ZFYVE28: variants seen among roughly 807,000 people sequenced by gnomAD.
ZFYVE28 encodes lateral signaling target protein 2 homolog.
Under a neutral mutation model 82.1 loss-of-function variants are expected in ZFYVE28, and 40 were observed. The ratio of observed to expected loss-of-function variants is 0.49; its 90% CI spans 0.38 to 0.63. The LOEUF (loss-of-function observed/expected upper bound fraction) is 0.63, where lower values mean the gene tolerates loss of function less well. Ranked by LOEUF, ZFYVE28 falls within the 30% of genes least tolerant of loss-of-function variation. ZFYVE28 has a pLI of 0.00. For synonymous variants in ZFYVE28, 612 were observed against 546.1 expected, an observed-to-expected ratio of 1.12 and a Z score of -1.68; for missense variants, 1,321 against 1,242.1, an observed-to-expected ratio of 1.06 and a Z score of -0.96.
chr4:2,335,801 G>A lies in ZFYVE28; in HGVS notation c.612-7C>T, dbSNP rs762318038. On this transcript the variant is annotated splice_region_variant and splice_polypyrimidine_tract_variant and intron_variant, in intron 5 of 12. Coordinates refer to ENST00000290974, the MANE Select transcript of ZFYVE28 (RefSeq NM_020972.3). The surrounding 1 kb of genome is among the most constrained non-coding windows in gnomAD (Gnocchi z 5.8). ...GTACCCGAAGTCCAGGGCCCTGTCC[G>A]GGGAGACGGACAGTGAGCAGCATGA... 6.0e-5 allele frequency: 93 copies of A among 1,555,560 alleles called. No homozygotes were observed. Among genetic ancestry groups the A allele is most frequent in the Admixed American group, 2.5e-4 (13 of 51,342 alleles).
rs1017603851 is a variant in ZFYVE28 at position 2,339,722 on chromosome 4, G to A, written c.319-67C>T. 2.2e-5 allele frequency: 32 copies of A among 1,461,388 alleles called. No individual in the cohort carries two copies. The highest frequency in any genetic ancestry group is 2.6e-5 in the Non-Finnish European group (28 of 1,094,870). The allele number at this position is 1,461,388 out of a possible 1,614,324, so 90.5% of individuals were successfully genotyped here. On this transcript the variant is annotated intron_variant, in intron 3 of 12. Transcript: ENST00000290974. The surrounding 1 kb of genome is among the most constrained non-coding windows in gnomAD (Gnocchi z 5.0). Reference sequence around the variant, plus strand: ...CCAGGCTCTCAGGGGTCGCCGACCCGGGGAACCTGACTGCGCACCTCGGGG... The same window carrying A: ...CCAGGCTCTCAGGGGTCGCCGACCCAGGGAACCTGACTGCGCACCTCGGGG...
At chr4:2,311,737 T>C (rs972316061) in intron 7 of ZFYVE28, among the ~76,000 whole-genome samples, 2 of 152,218 alleles carry the variant, frequency 1.3e-5, no homozygotes, top group Non-Finnish European at 2.9e-5. Flanking sequence ...TTTAGTGCTA[T>C]AAATTTCCTT....
chr4:2,389,360 C>G (rs1447761780), intron 1 of ZFYVE28, among the ~76,000 whole-genome samples: 1 of 152,182 alleles, frequency 6.6e-6, no homozygotes, highest in South Asian at 2.1e-4. Flanking sequence ...TGAGGCTACC[C>G]CCATGCCCCA....
At position 2,391,738 on chromosome 4, in the gene ZFYVE28, C is replaced by CTTTTTTTTTTTTTTT. The variant is rs374413016; in HGVS notation, c.39+26546_39+26547insAAAAAAAAAAAAAAA. Among the ~76,000 whole-genome samples the CTTTTTTTTTTTTTTT allele has an allele frequency of 1.4e-5, 2 of 139,770 alleles. 1 individual carries two copies. 91.7% of individuals were successfully genotyped at this position (139,770 alleles called of 152,430 possible). On this transcript the variant is annotated intron_variant, in intron 1 of 12. Coordinates refer to ENST00000290974, the MANE Select transcript of ZFYVE28 (RefSeq NM_020972.3). ...GGCTTCCTGTAAGTCAATTCTCTCT[C>CTTTTTTTTTTTTTTT]TCTTTTTTTTTTTTTGTGACTGAGT...
At chr4:2,395,449 C>T (rs527664009) in intron 1 of ZFYVE28, among the ~76,000 whole-genome samples, 3 of 152,318 alleles carry the variant, frequency 2.0e-5, no homozygotes, top group African/African-American at 4.8e-5. Context: ...GGGATCCCAA[C>T]GCTCTCCCCA....
At chr4:2,273,473 C>T (rs1391204308) in intron 9 of ZFYVE28, among the ~76,000 whole-genome samples, 184 bp from the exon 10 acceptor site, 1 of 152,152 alleles carries the variant, frequency 6.6e-6, no homozygotes, top group Admixed American at 6.5e-5. Flanking sequence ...AATAAAAACT[C>T]GGGAGTCGAG....
At chr4:2,352,779 A>C (rs1724669048) in intron 2 of ZFYVE28, among the ~76,000 whole-genome samples, 1 of 152,104 alleles carries the variant, frequency 6.6e-6, no homozygotes, top group African/African-American at 2.4e-5. Context: ...CTTTATCATC[A>C]ACTCTGTCAG....
Position 2,271,754 on chromosome 4 carries a change from G to A in ZFYVE28, c.2349C>T (p.Ala783=). 6.2e-7 allele frequency: 1 copy of A among 1,613,772 alleles called. No homozygotes were observed. The highest frequency in any genetic ancestry group is 1.1e-5 in the South Asian group (1 of 91,088). ...CCTGGCACAGTGCACAGTCCTCCAAGGCCGCACTCCGCAGAGTCTGGGTGA... is the reference window on the plus strand; with the variant it reads ...CCTGGCACAGTGCACAGTCCTCCAAAGCCGCACTCCGCAGAGTCTGGGTGA... ...RKVTQTLRSA[A]LEDCALCQET... is the part of the protein sequence containing the mutation. The change falls in exon 11 of 13, where the codon GCC becomes GCT. Residue 783 remains alanine, a synonymous_variant. Transcript: ENST00000290974.
At chr4:2,411,995 T>C (rs186511025) in intron 1 of ZFYVE28, among the ~76,000 whole-genome samples, 45 of 152,216 alleles carry the variant, frequency 3.0e-4, no homozygotes, top group African/African-American at 1.0e-3. Context: ...CTGACAACCA[T>C]AGAGGAGGCA....
intron 8 of ZFYVE28, among the ~76,000 whole-genome samples, chr4:2,301,263 A>G (rs574153761): frequency 6.6e-6 from 1 of 152,252 alleles, no homozygotes; most frequent in African/African-American, 2.4e-5. Flanking sequence ...GGGGGAATGA[A>G]TGATGCTCCC....
At chr4:2,387,164 G>A (rs1042586318) in intron 1 of ZFYVE28, among the ~76,000 whole-genome samples, 8 of 152,188 alleles carry the variant, frequency 5.3e-5, no homozygotes, top group African/African-American at 1.9e-4. Flanking sequence ...GGCCCACCCC[G>A]GAGCTCGCCA....
chr4:2,337,987 C>A (rs571507617), intron 4 of ZFYVE28, among the ~76,000 whole-genome samples: 1 of 152,224 alleles, frequency 6.6e-6, no homozygotes, highest in African/African-American at 2.4e-5. Flanking sequence ...CCTGCCCATG[C>A]GGGACAGTTG....
chr4:2,334,769 CA>C (rs1431075033), intron 6 of ZFYVE28, among the ~76,000 whole-genome samples: 8 of 33,510 alleles, frequency 2.4e-4, no homozygotes, highest in East Asian at 2.6e-3. Flanking sequence ...TCCCCCTCCC[CA>C]CTTCCGCCTC....
At position 2,408,472 on chromosome 4, in the gene ZFYVE28, G is replaced by A. The variant is rs751663498; in HGVS notation, c.39+9813C>T. 2.6e-5 allele frequency among the ~76,000 whole-genome samples: 4 copies of A among 152,218 alleles called. No individual in the cohort carries two copies. The highest frequency in any genetic ancestry group is 5.9e-5 in the Non-Finnish European group (4 of 68,032). On this transcript the variant is annotated intron_variant, in intron 1 of 12. Transcript: ENST00000290974. The surrounding 1 kb of genome is among the most constrained non-coding windows in gnomAD (Gnocchi z 4.3). ...CCACTGCCCTGAGACTCAGCATCGG[G>A]GAGAAAGCCTGGAGGGGGCCTGCCT...
chr4:2,418,495 G>C lies in ZFYVE28; in HGVS notation c.-172C>G, dbSNP rs1733380360. 2 of 299,096 alleles carry C rather than the reference G, an allele frequency of 6.7e-6. No homozygotes were observed. The highest frequency in any genetic ancestry group is 2.3e-5 in the African/African-American group (1 of 43,706). 18.5% of individuals were successfully genotyped at this position (299,096 alleles called of 1,614,324 possible). On this transcript the variant is annotated 5_prime_UTR_variant, in exon 1 of 13. Transcript: ENST00000290974. This position sits in a 1 kb window ranked among gnomAD's most constrained non-coding sequence, Gnocchi z 4.6. Reference sequence around the variant, plus strand: ...CCGAGCGGGCGGCGGGCAGGTGCGCGGGGCAGGTGCGCGGCCCTGAGTATG... The same window carrying C: ...CCGAGCGGGCGGCGGGCAGGTGCGCCGGGCAGGTGCGCGGCCCTGAGTATG...
At chr4:2,366,892 G>T (rs1168172335) in intron 1 of ZFYVE28, among the ~76,000 whole-genome samples, 2 of 152,352 alleles carry the variant, frequency 1.3e-5, no homozygotes, top group South Asian at 4.1e-4. Context: ...AGGTGATAAT[G>T]CTGGCCTTGA....
intron 6 of ZFYVE28, chr4:2,324,330 A>G (rs1719553474): frequency 6.6e-6 from 1 of 152,220 alleles, no homozygotes; most frequent in African/African-American, 2.4e-5. Flanking sequence ...ACTGATTTAA[A>G]TGCTAATCTC....
In ZFYVE28 at chr4:2,408,604, C is replaced by T. The variant is rs1449702098; in HGVS notation, c.39+9681G>A. Among the ~76,000 whole-genome samples the T allele has an allele frequency of 6.6e-6, 1 of 152,174 alleles. No homozygotes were observed. The highest frequency in any genetic ancestry group is 1.9e-4 in the East Asian group (1 of 5,192). ...TGGGCCCCGCCCAGGTAAGCCCCATCTAGATGAAGCCCCACCCAGGTAAGC... is the reference window on the plus strand; with the variant it reads ...TGGGCCCCGCCCAGGTAAGCCCCATTTAGATGAAGCCCCACCCAGGTAAGC... On this transcript the variant is annotated intron_variant, in intron 1 of 12. Coordinates refer to ENST00000290974, the MANE Select transcript of ZFYVE28 (RefSeq NM_020972.3). This position sits in a 1 kb window ranked among gnomAD's most constrained non-coding sequence, Gnocchi z 4.3.
rs61681403 is a variant in ZFYVE28, at chr4:2,337,258, G to A, written c.611+149C>T. Reference sequence around the variant, plus strand: ...GCCCACCTGTGAGGAGAAGCCGGATGTAGTGTGGGAAGACACGTCTGGTGC... The same window carrying A: ...GCCCACCTGTGAGGAGAAGCCGGATATAGTGTGGGAAGACACGTCTGGTGC... On this transcript the variant is annotated intron_variant, in intron 5 of 12. Coordinates refer to ENST00000290974, the MANE Select transcript of ZFYVE28 (RefSeq NM_020972.3). The A allele has an allele frequency of 6.5e-3, 3,930 of 607,262 alleles. 118 individuals are homozygous for A. The highest frequency in any genetic ancestry group is 0.064 in the African/African-American group (3,413 of 52,986). The allele number at this position is 607,262 out of a possible 1,614,324, so 37.6% of individuals were successfully genotyped here.
Sources: allele counts gnomAD v4.1 joint callset (sites outside exome capture counted in the v4.1 genomes callset), GRCh38; gene constraint gnomAD v4.1.1; non-coding constraint Gnocchi (gnomAD v3.1); transcripts MANE v1.5; gene names NCBI Gene and HGNC (gene_info 2026-07-23, HGNC 2026-07-21).